ITPR2: variants seen among roughly 807,000 people sequenced by gnomAD.
ITPR2 encodes inositol 1,4,5-trisphosphate receptor type 2, also known as inositol 1,4,5-trisphosphate-gated calcium channel ITPR2.
A neutral mutation model predicts 317.1 loss-of-function variants in ITPR2; 207 were observed. That is an observed-to-expected ratio of 0.65 (90% CI 0.58 to 0.73). The LOEUF (loss-of-function observed/expected upper bound fraction) is 0.73. Among genes scored for constraint, ITPR2 ranks in the 30% least tolerant of loss-of-function variants. The pLI, the probability that ITPR2 is intolerant of heterozygous loss-of-function variation, is 0.00. For missense variants in ITPR2, 2,613 were observed against 3,284.0 expected (o/e 0.80, Z 4.99); for synonymous variants, 1,156 against 1,149.1 (o/e 1.01, Z -0.12).
chr12:26,734,685 G>A (rs1949086734), intron 2 of ITPR2, among the ~76,000 whole-genome samples: 1 of 150,550 alleles, frequency 6.6e-6, no homozygotes, highest in African/African-American at 2.4e-5. Context: ...TTATGTAATA[G>A]CAATATTTAG....
At chr12:26,433,028 T>C (rs1215239072) in intron 48 of ITPR2, among the ~76,000 whole-genome samples, 1 of 152,240 alleles carries the variant, frequency 6.6e-6, no homozygotes, top group East Asian at 1.9e-4. Context: ...TGGCCAAGTA[T>C]GTGTAACAGT....
intron 54 of ITPR2, among the ~76,000 whole-genome samples, chr12:26,389,203 G>A (rs1050451897): frequency 1.3e-5 from 2 of 152,062 alleles, no homozygotes; most frequent in East Asian, 3.8e-4. Flanking sequence ...AAAAACCTAA[G>A]AGAAATGGTG....
intron 2 of ITPR2, among the ~76,000 whole-genome samples, chr12:26,773,334 A>G (rs937184574): frequency 2.0e-5 from 3 of 152,240 alleles, no homozygotes; most frequent in Non-Finnish European, 4.4e-5. Flanking sequence ...GAAAAAATAC[A>G]TATTTATTCA....
At chr12:26,406,437 T>TTG (rs1940354676) in intron 52 of ITPR2, 1 of 148,920 alleles carries the variant, frequency 6.7e-6, no homozygotes. Context: ...AGTTTTTTTT[T>TTG]TTTTTTTTTT....
At chr12:26,480,575 C>T (rs1446015127) in intron 43 of ITPR2, among the ~76,000 whole-genome samples, 1 of 152,180 alleles carries the variant, frequency 6.6e-6, no homozygotes, top group Admixed American at 6.5e-5. Flanking sequence ...GGCACGATGG[C>T]TCACACTTGT....
intron 32 of ITPR2, among the ~76,000 whole-genome samples, chr12:26,586,114 A>G (rs2137087044): frequency 6.6e-6 from 1 of 152,312 alleles, no homozygotes; most frequent in East Asian, 1.9e-4. Context: ...TTAAAACTGT[A>G]CCATAGCTAT....
At chr12:26,598,221 C>T (rs890246660) in intron 30 of ITPR2, among the ~76,000 whole-genome samples, 3 of 151,930 alleles carry the variant, frequency 2.0e-5, no homozygotes, top group Non-Finnish European at 4.4e-5. Flanking sequence ...TTAAAATGTT[C>T]CTTAAAATGT....
In ITPR2 at chr12:26,422,063, TAATTA is replaced by T. The variant is rs142930625; in HGVS notation, c.6946-2855_6946-2851del. 9.9e-3 allele frequency among the ~76,000 whole-genome samples: 1,496 copies of T among 151,372 alleles called. 23 individuals are homozygous for T. Among genetic ancestry groups the T allele is most frequent in the African/African-American group, 0.034 (1,414 of 41,370 alleles). On this transcript the variant is annotated intron_variant, in intron 49 of 56. Transcript: ENST00000381340. Reference sequence around the variant, plus strand: ...TTCATTACATTTACTTAAGTTTATTTAATTAAATTATCTATTTGCTAATTATTTAT... The same window carrying T: ...TTCATTACATTTACTTAAGTTTATTTAATTATCTATTTGCTAATTATTTAT...
At chr12:26,563,553 TAA>T (rs75872857) in intron 34 of ITPR2, among the ~76,000 whole-genome samples, 4 of 142,656 alleles carry the variant, frequency 2.8e-5, no homozygotes, top group Non-Finnish European at 3.1e-5. Context: ...AGACTCCATC[TAA>T]AAAAAAAAAA....
At chr12:26,736,324 T>C (rs1478207521) in intron 2 of ITPR2, among the ~76,000 whole-genome samples, 3 of 152,138 alleles carry the variant, frequency 2.0e-5, no homozygotes, top group Admixed American at 1.3e-4. Context: ...CACAGGAAAG[T>C]TGTTGATCAA....
At chr12:26,411,276 C>G in intron 52 of ITPR2, 44 bp downstream of exon 52, 2 of 1,304,790 alleles carry the variant, frequency 1.5e-6, no homozygotes. Flanking sequence ...AATAAAACTT[C>G]AAAGATATCA....
At chr12:26,808,880 G>T (rs1349136609) in intron 1 of ITPR2, among the ~76,000 whole-genome samples, 3 of 152,172 alleles carry the variant, frequency 2.0e-5, no homozygotes, top group Non-Finnish European at 4.4e-5. Context: ...GCATTTCACA[G>T]AAATACTACA....
At chr12:26,493,568 T>A (rs1229773667) in intron 39 of ITPR2, among the ~76,000 whole-genome samples, 1 of 152,182 alleles carries the variant, frequency 6.6e-6, no homozygotes, top group Non-Finnish European at 1.5e-5. Flanking sequence ...GAATTTTGAG[T>A]GTTCCCAACA....
At chr12:26,707,935 A>C (rs377369393) in intron 9 of ITPR2, among the ~76,000 whole-genome samples, 47 of 152,324 alleles carry the variant, frequency 3.1e-4, no homozygotes, top group Non-Finnish European at 4.4e-4. Context: ...AAAATGAGTA[A>C]AAGATCTGAA....
intron 45 of ITPR2, among the ~76,000 whole-genome samples, chr12:26,454,737 C>A (rs893058024): frequency 2.8e-5 from 4 of 143,474 alleles, no homozygotes; most frequent in Non-Finnish European, 6.1e-5. Flanking sequence ...GTAATTGCTG[C>A]GGGGGTGGGG....
intron 35 of ITPR2, among the ~76,000 whole-genome samples, chr12:26,560,375 T>C (rs1591900228): frequency 6.6e-6 from 1 of 152,198 alleles, no homozygotes. Context: ...TCTTCAAATA[T>C]AGACTTAACT....
In ITPR2 at chr12:26,428,644, T is replaced by G. The variant is rs551017721; in HGVS notation, c.6770-556A>C. Among the ~76,000 whole-genome samples, 136 of 152,278 alleles carry G rather than the reference T, an allele frequency of 8.9e-4. 2 individuals are homozygous for G. In the Middle Eastern group the frequency reaches 0.021, roughly 23 times the overall value. Reference sequence around the variant, plus strand: ...TGAGTGTGTGTATTTGAAGGCCAACTCTACTGCTAAATAAAATTTTTAGCT... The same window carrying G: ...TGAGTGTGTGTATTTGAAGGCCAACGCTACTGCTAAATAAAATTTTTAGCT... On this transcript the variant is annotated intron_variant, in intron 48 of 56. Coordinates refer to ENST00000381340, the MANE Select transcript of ITPR2 (RefSeq NM_002223.4).
chr12:26,750,955 T>G (rs1949403013), intron 2 of ITPR2, among the ~76,000 whole-genome samples: 1 of 152,186 alleles, frequency 6.6e-6, no homozygotes. Flanking sequence ...TAAAGATATC[T>G]GCTCAAGATC....
intron 51 of ITPR2, among the ~76,000 whole-genome samples, chr12:26,412,496 A>T (rs2136673225): frequency 6.6e-6 from 1 of 152,268 alleles, no homozygotes; most frequent in South Asian, 2.1e-4. Flanking sequence ...CCCTTACTTA[A>T]TACTTACTGA....
Sources: gnomAD v4.1 joint callset for allele counts (sites outside exome capture counted in the v4.1 genomes callset) on GRCh38, gnomAD v4.1.1 for gene constraint, MANE v1.5 for transcripts, NCBI Gene and HGNC (gene_info 2026-07-23, HGNC 2026-07-21) for gene names.